Variants in SGCZ observed in about 807,000 individuals in gnomAD.
The protein encoded by SGCZ is sarcoglycan zeta.
In SGCZ, 40 loss-of-function variants were observed where a neutral mutation model predicts 41.3. The observed-to-expected ratio is 0.97, with a 90% CI of 0.75 to 1.26. The LOEUF is 1.26. SGCZ is among the 50% of genes most tolerant of loss of function. The probability of loss-of-function intolerance (pLI) is 0.00; values close to 1 mark genes in which losing one functional copy is unlikely to be tolerated. For missense variants in SGCZ, 552 were observed against 369.8 expected (o/e 1.49, Z -4.04); for synonymous variants, 206 against 137.5 (o/e 1.50, Z -3.49).
intron 1 of SGCZ, among the ~76,000 whole-genome samples, chr8:15,173,243 G>C (rs1414025610): frequency 6.6e-6 from 1 of 152,168 alleles, no homozygotes; most frequent in African/African-American, 2.4e-5. Context: ...CCATTTTAAA[G>C]TGTACAGTAG....
In SGCZ at chr8:14,324,170, C is replaced by T. The variant is rs1399065018; in HGVS notation, c.269G>A (p.Gly90Glu). The T allele has an allele frequency of 3.1e-6, 5 of 1,612,836 alleles. No individual in the cohort carries two copies. Among genetic ancestry groups the T allele is most frequent in the South Asian group, 1.1e-5 (1 of 91,054 alleles). The stretch of plus-strand genomic sequence containing the variant: ...CTCAGATATACCTTCAAGTCGGATT[C>T]CCTTCTTGGTGACTCTCAGATTTCC... The part of the protein sequence containing the change: ...GMGNLRVTKK[G>E]IRLEGISEFL... Residue 90 changes from glycine (G) to glutamate (E), a missense_variant, in exon 3 of 8, where the codon GGA becomes GAA. Coordinates refer to ENST00000382080, the MANE Select transcript of SGCZ (RefSeq NM_139167.4).
rs76357406 is a variant in SGCZ at position 15,220,181 on chromosome 8, T to C, written c.39+17404A>G. 2.9e-3 allele frequency among the ~76,000 whole-genome samples: 442 copies of C among 152,286 alleles called. 3 individuals carry two copies. Among genetic ancestry groups the C allele is most frequent in the African/African-American group, 9.6e-3 (400 of 41,552 alleles). The stretch of plus-strand genomic sequence containing the variant: ...CCTCAACATAGTCTAAACAATATAC[T>C]AAAACCAAAAGTTTTTGAGGTCATT... On this transcript the variant is annotated intron_variant, in intron 1 of 7. Transcript: ENST00000382080.
At chr8:15,143,770 T>TAACTTAGCAAAATATC (rs1563148845) in intron 1 of SGCZ, among the ~76,000 whole-genome samples, 1 of 4,578 alleles carries the variant, frequency 2.2e-4, no homozygotes, top group African/African-American at 2.8e-4. Context: ...ATTATTACCT[T>TAACTTAGCAAAATATC]TTTTTTTTTT....
chr8:14,228,280 T>A (rs958130944), intron 4 of SGCZ, among the ~76,000 whole-genome samples: 5 of 152,152 alleles, frequency 3.3e-5, no homozygotes, highest in Non-Finnish European at 5.9e-5. Context: ...AAACAATACT[T>A]GGTTAAGTAT....
chr8:14,128,545 A>G (rs1327646204), intron 5 of SGCZ, among the ~76,000 whole-genome samples: 1 of 152,228 alleles, frequency 6.6e-6, no homozygotes, highest in Admixed American at 6.5e-5. Context: ...CAATTCCAGT[A>G]TTTGGTATCT....
In SGCZ at chr8:14,490,884, A is replaced by G. The variant is rs553940641; in HGVS notation, c.234+63848T>C. 3.7e-4 allele frequency among the ~76,000 whole-genome samples: 56 copies of G among 152,300 alleles called. 1 individual carries two copies. The highest frequency in any genetic ancestry group is 1.3e-3 in the African/African-American group (53 of 41,574). The stretch of plus-strand genomic sequence containing the variant: ...GAAAAGTGGAATTAGAAGCTCATAT[A>G]TTGCTGTTTCAGGAGCTAAAATCTT... On this transcript the variant is annotated intron_variant, in intron 2 of 7. Coordinates refer to ENST00000382080, the MANE Select transcript of SGCZ (RefSeq NM_139167.4).
intron 1 of SGCZ, among the ~76,000 whole-genome samples, chr8:14,627,219 G>C (rs935545332): frequency 2.0e-5 from 3 of 152,138 alleles, no homozygotes; most frequent in Non-Finnish European, 2.9e-5. Context: ...GATCTTGGTT[G>C]TACACGAAGA....
At chr8:14,310,340 A>T (rs1283213254) in intron 3 of SGCZ, among the ~76,000 whole-genome samples, 4 of 151,978 alleles carry the variant, frequency 2.6e-5, no homozygotes, top group African/African-American at 7.2e-5. Context: ...GTCTTTGGTA[A>T]TTTTTTTGTT....
intron 4 of SGCZ, among the ~76,000 whole-genome samples, chr8:14,198,344 A>C (rs1038112717): frequency 6.6e-6 from 1 of 152,210 alleles, no homozygotes; most frequent in African/African-American, 2.4e-5. Context: ...GACCCAAAGC[A>C]CAAGATTAGC....
chr8:14,597,584 C>T lies in SGCZ; in HGVS notation c.40-42658G>A, dbSNP rs376504875. 9.9e-5 allele frequency among the ~76,000 whole-genome samples: 15 copies of T among 152,214 alleles called. No individual in the cohort carries two copies. In the East Asian group the frequency reaches 1.2e-3, roughly 12 times the overall value. On this transcript the variant is annotated intron_variant, in intron 1 of 7. Transcript: ENST00000382080. ...TCTGGGTTCAAGTGATACTCCCTTT[C>T]TCCCTGCCTCAGCCTCTAGAGTAGC...
At chr8:14,118,611 G>A (rs1802597521) in intron 5 of SGCZ, among the ~76,000 whole-genome samples, 1 of 152,108 alleles carries the variant, frequency 6.6e-6, no homozygotes, top group Non-Finnish European at 1.5e-5. Context: ...ATTGCTTTTG[G>A]TGTTTTAGTC....
In SGCZ at chr8:14,166,175, A is replaced by G. The variant is rs1841904; in HGVS notation, c.425-1473T>C. Among the ~76,000 whole-genome samples, 6 of 152,070 alleles carry G rather than the reference A, an allele frequency of 3.9e-5. No homozygotes were observed. In the East Asian group the frequency reaches 1.2e-3, roughly 29 times the overall value. On this transcript the variant is annotated intron_variant, in intron 4 of 7. Transcript: ENST00000382080. ...AACTAATGTTAAACTTTTGGGCTGT[A>G]AAGTTTAAAATAACAGATTTTTAAA... is the stretch of plus-strand genomic sequence containing the variant.
Position 14,554,832 on chromosome 8 carries a change from C to G in SGCZ, c.134G>C (p.Arg45Pro), listed in dbSNP as rs779572116. The stretch of plus-strand genomic sequence containing the variant: ...GACAAAGAAGTATAAGCACCTCTTT[C>G]GCCATCCATAAATTCCCACTGGGTA... ...QLYPVGIYGWRKRCLYFFVLL... is the reference protein window; with the variant it reads ...QLYPVGIYGWPKRCLYFFVLL... Residue 45 changes from arginine to proline, a missense_variant, in exon 2 of 8, where the codon CGA (arginine) becomes CCA (proline). Transcript: ENST00000382080. The G allele has an allele frequency of 6.2e-7, 1 of 1,613,210 alleles. No homozygotes were observed. The highest frequency in any genetic ancestry group is 8.5e-7 in the Non-Finnish European group (1 of 1,179,528).
At chr8:14,121,157 G>C (rs911611521) in intron 5 of SGCZ, among the ~76,000 whole-genome samples, 10 of 152,012 alleles carry the variant, frequency 6.6e-5, no homozygotes, top group Non-Finnish European at 1.2e-4. Context: ...TAATGGCAAA[G>C]TCAATGTTGA....
chr8:14,397,258 G>A (rs1216329709), intron 2 of SGCZ, among the ~76,000 whole-genome samples: 1 of 151,998 alleles, frequency 6.6e-6, no homozygotes, highest in African/African-American at 2.4e-5. Flanking sequence ...TTGTAAATTT[G>A]ATAAAAGTTA....
chr8:15,021,255 G>A (rs887250668), intron 1 of SGCZ, among the ~76,000 whole-genome samples: 4 of 152,154 alleles, frequency 2.6e-5, no homozygotes, highest in African/African-American at 9.7e-5. Flanking sequence ...TTTATGTTTT[G>A]CTGCAAATTA....
At chr8:14,231,912 A>C (rs1180383971) in intron 4 of SGCZ, among the ~76,000 whole-genome samples, 1 of 152,110 alleles carries the variant, frequency 6.6e-6, no homozygotes, top group Non-Finnish European at 1.5e-5. Flanking sequence ...ATTACTCTGT[A>C]AGATAGAGAT....
chr8:14,398,987 C>A (rs1290314633), intron 2 of SGCZ, among the ~76,000 whole-genome samples: 1 of 152,056 alleles, frequency 6.6e-6, no homozygotes, highest in Non-Finnish European at 1.5e-5. Flanking sequence ...CTTGAAATAA[C>A]CTTACTTGAA....
chr8:14,138,230 C>G (rs1293646323), intron 5 of SGCZ, among the ~76,000 whole-genome samples: 1 of 152,132 alleles, frequency 6.6e-6, no homozygotes, highest in Admixed American at 6.5e-5. Context: ...AAAAACATGC[C>G]AAATTGTAAA....
Sources: gnomAD v4.1 joint callset for allele counts (sites outside exome capture counted in the v4.1 genomes callset) on GRCh38, gnomAD v4.1.1 for gene constraint, MANE v1.5 for transcripts, NCBI Gene and HGNC (gene_info 2026-07-23, HGNC 2026-07-21) for gene names.